The following ZFHX3 variants were observed in gnomAD, a reference collection of about 807,000 sequenced individuals.
The protein encoded by ZFHX3 is zinc finger homeobox protein 3.
Under a neutral mutation model 279.1 loss-of-function variants are expected in ZFHX3, and 42 were observed. The ratio of observed to expected loss-of-function variants is 0.15; its 90% CI spans 0.12 to 0.19. The LOEUF is 0.19. Ranked by LOEUF, ZFHX3 falls within the 10% of genes least tolerant of loss-of-function variation. The pLI is 1.00. For missense variants in ZFHX3, 4,981 were observed against 4,754.0 expected (o/e 1.05, Z -1.40); for synonymous variants, 2,293 against 1,957.8 (o/e 1.17, Z -4.52).
chr16:73,706,550 G>A (rs549661488), intron 1 of ZFHX3, among the ~76,000 whole-genome samples: 2 of 151,840 alleles, frequency 1.3e-5, no homozygotes, highest in Non-Finnish European at 2.9e-5. Context: ...GGGCTACTGC[G>A]GAGAAACCTT....
Position 72,926,769 on chromosome 16 carries a change from A to G in ZFHX3, c.3216+23700T>C, listed in dbSNP as rs143144331. 5.3e-3 allele frequency among the ~76,000 whole-genome samples: 810 copies of G among 152,268 alleles called. 9 individuals carry two copies. The highest frequency in any genetic ancestry group is 0.018 in the African/African-American group (763 of 41,554). On this transcript the variant is annotated intron_variant, in intron 3 of 9. Coordinates refer to ENST00000268489, the MANE Select transcript of ZFHX3 (RefSeq NM_006885.4). ...GCGATTACATGCTCCTGCCTCTCCT[A>G]CACAAAGCAGAGACCAATGTTTCTA...
intron 1 of ZFHX3, among the ~76,000 whole-genome samples, chr16:73,725,540 AGT>A (rs35247672): frequency 0.061 from 8,976 of 148,166 alleles, 376 homozygotes; most frequent in African/African-American, 0.12. Flanking sequence ...AGTGTGAGTG[AGT>A]GTGTGTGTGT....
intron 1 of ZFHX3, among the ~76,000 whole-genome samples, chr16:73,778,832 G>A (rs748431264): frequency 5.3e-5 from 8 of 152,198 alleles, no homozygotes; most frequent in South Asian, 2.1e-4. Flanking sequence ...CTAACAGTCT[G>A]TGCCTGAGCC....
chr16:73,225,723 G>A (rs1055129720), intron 5 of ZFHX3, among the ~76,000 whole-genome samples: 1 of 152,240 alleles, frequency 6.6e-6, no homozygotes, highest in Non-Finnish European at 1.5e-5. Flanking sequence ...CATGACCCAT[G>A]AACACTGTGT....
chr16:73,103,776 A>G (rs1966260404), intron 7 of ZFHX3, among the ~76,000 whole-genome samples: 1 of 151,820 alleles, frequency 6.6e-6, no homozygotes, highest in Non-Finnish European at 1.5e-5. Flanking sequence ...GAGACCTCCT[A>G]TAACAGTCTG....
chr16:72,957,653 G>A lies in ZFHX3; in HGVS notation c.2493C>T (p.Asn831=). The A allele has an allele frequency of 1.2e-6, 2 of 1,614,204 alleles. No individual in the cohort carries two copies. Among genetic ancestry groups the A allele is most frequent in the South Asian group, 2.2e-5 (2 of 91,082 alleles). ...TCATGTTCTGTTGCAGTAACATCATGTTATGCATGTGCTTCTCACTGGTCA... is the reference window on the plus strand; with the variant it reads ...TCATGTTCTGTTGCAGTAACATCATATTATGCATGTGCTTCTCACTGGTCA... ...IHMTSEKHMH[N]MMLLQQNMTQ... is the part of the protein sequence containing the mutation. The change falls in exon 2 of 10, where the codon AAC becomes AAT. Residue 831 remains asparagine (N), a synonymous_variant. Coordinates refer to ENST00000268489, the MANE Select transcript of ZFHX3 (RefSeq NM_006885.4).
At chr16:73,140,541 T>C (rs572428704) in intron 6 of ZFHX3, among the ~76,000 whole-genome samples, 1 of 152,068 alleles carries the variant, frequency 6.6e-6, no homozygotes, top group Non-Finnish European at 1.5e-5. Flanking sequence ...CCTGACTAGG[T>C]CTCAACCTTT....
chr16:73,354,629 C>T (rs2016304703), intron 3 of ZFHX3, among the ~76,000 whole-genome samples: 1 of 152,202 alleles, frequency 6.6e-6, no homozygotes, highest in Non-Finnish European at 1.5e-5. Flanking sequence ...GCTCTTTCTG[C>T]CCCAAACAGG....
chr16:73,263,920 A>C (rs1325090011), intron 4 of ZFHX3, among the ~76,000 whole-genome samples: 4 of 152,166 alleles, frequency 2.6e-5, no homozygotes, highest in African/African-American at 7.2e-5. Context: ...TAATCCCAGC[A>C]CTTTGGGAGG....
At chr16:72,894,007 G>A (rs1236475867) in intron 3 of ZFHX3, among the ~76,000 whole-genome samples, 1 of 152,042 alleles carries the variant, frequency 6.6e-6, no homozygotes, top group Non-Finnish European at 1.5e-5. Flanking sequence ...AAATTAGCCA[G>A]GCATAATGGT....
At chr16:72,835,156 T>C (rs1353782064) in intron 4 of ZFHX3, among the ~76,000 whole-genome samples, 2 of 152,016 alleles carry the variant, frequency 1.3e-5, no homozygotes, top group African/African-American at 4.8e-5. Flanking sequence ...GAGGGTGGGA[T>C]GTTTGAGGGT....
At chr16:73,616,834 T>G (rs1202816061) in intron 2 of ZFHX3, among the ~76,000 whole-genome samples, 1 of 152,200 alleles carries the variant, frequency 6.6e-6, no homozygotes, top group Non-Finnish European at 1.5e-5. Flanking sequence ...CTAACGTACA[T>G]TCCTCCTTCT....
In ZFHX3 at chr16:73,773,840, T is replaced by C. The variant is rs565738421; in HGVS notation, c.-1607-93600A>G. 3.4e-4 allele frequency among the ~76,000 whole-genome samples: 52 copies of C among 152,198 alleles called. 4 individuals are homozygous for C. The South Asian group carries it at 0.011, about 31-fold the overall frequency. The stretch of plus-strand genomic sequence containing the variant: ...CCAACATTCCCTGGTACAACACTTC[T>C]AAAAAGTTGAAAAGAGGCCAGATGC... On this transcript the variant is annotated intron_variant, in intron 1 of 17. Transcript: ENST00000641206.
chr16:73,854,155 C>G lies in ZFHX3; in HGVS notation c.-1608+37496G>C, dbSNP rs1961658919. On this transcript the variant is annotated intron_variant, in intron 1 of 17. Coordinates refer to the ZFHX3 transcript ENST00000641206. ...ACCACAAACACAGGTGGTGTCAGGGCAAACCTACTTATAAACTTGTTGGAA... is the reference window on the plus strand; with the variant it reads ...ACCACAAACACAGGTGGTGTCAGGGGAAACCTACTTATAAACTTGTTGGAA... Among the ~76,000 whole-genome samples, 3 of 152,160 alleles carry G rather than the reference C, an allele frequency of 2.0e-5. No individual in the cohort carries two copies. The South Asian group carries it at 6.2e-4, about 32-fold the overall frequency.
intron 2 of ZFHX3, among the ~76,000 whole-genome samples, chr16:73,643,057 G>C (rs1039722949): frequency 2.6e-5 from 4 of 152,134 alleles, no homozygotes; most frequent in African/African-American, 9.7e-5. Flanking sequence ...TAACTCTTAG[G>C]GTCACATAAA....
intron 3 of ZFHX3, among the ~76,000 whole-genome samples, chr16:73,361,700 C>G (rs1357105899): frequency 6.6e-6 from 1 of 152,152 alleles, no homozygotes; most frequent in Non-Finnish European, 1.5e-5. Flanking sequence ...TGGTGTCCAT[C>G]AAACCAAGAT....
chr16:73,716,685 G>A (rs1192806490), intron 1 of ZFHX3, among the ~76,000 whole-genome samples: 1 of 151,242 alleles, frequency 6.6e-6, no homozygotes, highest in South Asian at 2.1e-4. Flanking sequence ...CCGCCCTCCT[G>A]TTCATAATTG....
intron 2 of ZFHX3, among the ~76,000 whole-genome samples, chr16:73,640,246 T>C (rs940585775): frequency 6.6e-6 from 1 of 152,024 alleles, no homozygotes; most frequent in African/African-American, 2.4e-5. Flanking sequence ...CTCAACAGTA[T>C]CCAAAAAGAG....
chr16:73,724,798 G>A (rs1381566927), intron 1 of ZFHX3, among the ~76,000 whole-genome samples: 1 of 152,142 alleles, frequency 6.6e-6, no homozygotes, highest in Non-Finnish European at 1.5e-5. Flanking sequence ...CAAACAGAAA[G>A]AATTCTTAAA....
Sources: allele counts gnomAD v4.1 joint callset (sites outside exome capture counted in the v4.1 genomes callset), GRCh38; gene constraint gnomAD v4.1.1; transcripts MANE v1.5; gene names NCBI Gene and HGNC (gene_info 2026-07-23, HGNC 2026-07-21).